Variants in NSMCE2 observed in about 807,000 individuals in gnomAD.
NSMCE2 encodes E3 SUMO-protein ligase NSE2.
NSMCE2 carries 24 observed loss-of-function variants against 23.8 expected under a neutral mutation model. The observed-to-expected ratio is 1.01, with a 90% confidence interval of 0.73 to 1.42. The LOEUF is 1.42. NSMCE2 is among the 40% of genes most tolerant of loss of function. NSMCE2 has a pLI of 0.00. For missense variants in NSMCE2, 284 were observed against 296.5 expected (o/e 0.96, Z 0.31); for synonymous variants, 92 against 94.1 (o/e 0.98, Z 0.13).
chr8:125,187,610 G>A (rs7016484), intron 5 of NSMCE2, among the ~76,000 whole-genome samples: 144 of 152,162 alleles, frequency 9.5e-4, no homozygotes, highest in African/African-American at 3.4e-3. Flanking sequence ...TCTTTCTGGC[G>A]TCTTTTATTC....
chr8:125,196,072 G>C (rs1823600792), intron 5 of NSMCE2, among the ~76,000 whole-genome samples: 1 of 151,126 alleles, frequency 6.6e-6, no homozygotes, highest in East Asian at 1.9e-4. Flanking sequence ...GTGGAGACTG[G>C]GTTTCACCGT....
At chr8:125,168,670 G>A (rs527940178) in intron 4 of NSMCE2, among the ~76,000 whole-genome samples, 144 of 152,314 alleles carry the variant, frequency 9.5e-4, no homozygotes, top group African/African-American at 3.3e-3. Context: ...CTTTGCCCTC[G>A]TGCTCTAATC....
At chr8:125,298,822 G>T (rs1436567428) in intron 5 of NSMCE2, among the ~76,000 whole-genome samples, 1 of 151,728 alleles carries the variant, frequency 6.6e-6, no homozygotes, top group Non-Finnish European at 1.5e-5. Context: ...CAGGGTGATG[G>T]GTGACTTTTT....
intron 4 of NSMCE2, among the ~76,000 whole-genome samples, chr8:125,152,182 C>G (rs1177572227): frequency 6.6e-6 from 1 of 152,084 alleles, no homozygotes; most frequent in African/African-American, 2.4e-5. Flanking sequence ...AGAATATCAC[C>G]TATATCCAAA....
intron 5 of NSMCE2, among the ~76,000 whole-genome samples, chr8:125,221,524 A>G (rs1285219978): frequency 6.6e-6 from 1 of 152,232 alleles, no homozygotes; most frequent in African/African-American, 2.4e-5. Context: ...GATTACAGGC[A>G]TGAGCCACTG....
chr8:125,098,861 A>C (rs1202973090), intron 1 of NSMCE2, among the ~76,000 whole-genome samples: 1 of 152,044 alleles, frequency 6.6e-6, no homozygotes, highest in Non-Finnish European at 1.5e-5. Context: ...TTCTGGAGTG[A>C]TCTTGCCAAT....
At position 125,211,262 on chromosome 8, in the gene NSMCE2, C is replaced by G. The variant is rs75699748; in HGVS notation, c.418+29006C>G. Among the ~76,000 whole-genome samples, 479 of 152,204 alleles carry G rather than the reference C, an allele frequency of 3.1e-3. 4 individuals carry two copies. Among genetic ancestry groups the G allele is most frequent in the African/African-American group, 0.011 (469 of 41,524 alleles). On this transcript the variant is annotated intron_variant, in intron 5 of 7. Coordinates refer to ENST00000287437, the MANE Select transcript of NSMCE2 (RefSeq NM_173685.4). ...CAAAAGACTATGGTGAAAAGTGGGC[C>G]TCTGCCTCCCTGGAAACAGTTACTC...
intron 5 of NSMCE2, among the ~76,000 whole-genome samples, chr8:125,303,265 G>A (rs1030761823): frequency 1.3e-5 from 2 of 152,154 alleles, no homozygotes; most frequent in South Asian, 2.1e-4. Context: ...GCAAGATGTT[G>A]TTCTCAACTG....
chr8:125,295,591 G>C (rs1324662650), intron 5 of NSMCE2, among the ~76,000 whole-genome samples: 1 of 152,142 alleles, frequency 6.6e-6, no homozygotes, highest in Non-Finnish European at 1.5e-5. Context: ...GGGAAGTTCT[G>C]AGAGGGACAA....
intron 3 of NSMCE2, among the ~76,000 whole-genome samples, chr8:125,103,353 C>T (rs959579661): frequency 2.0e-5 from 3 of 151,480 alleles, no homozygotes; most frequent in Middle Eastern, 3.5e-3. Flanking sequence ...GGAGTAGAAT[C>T]GTTTTTATTT....
rs1012840669 is a variant in NSMCE2, at chr8:125,264,858, T to C, written c.418+82602T>C. On this transcript the variant is annotated intron_variant, in intron 5 of 7. Transcript: ENST00000287437. ...AATGGCCTTATATCTTCTAGTACCT[T>C]GACACATGCAAATATCTCATTTAAT... is the stretch of plus-strand genomic sequence containing the variant. Among the ~76,000 whole-genome samples, 3 of 152,198 alleles carry C rather than the reference T, an allele frequency of 2.0e-5. No individual in the cohort carries two copies. The East Asian group carries it at 5.8e-4, about 29-fold the overall frequency.
At chr8:125,119,960 G>A (rs1159633833) in intron 3 of NSMCE2, among the ~76,000 whole-genome samples, 1 of 152,068 alleles carries the variant, frequency 6.6e-6, no homozygotes, top group Non-Finnish European at 1.5e-5. Flanking sequence ...TTAGCCACAT[G>A]TGTAATTTAA....
intron 5 of NSMCE2, among the ~76,000 whole-genome samples, chr8:125,340,139 C>T (rs1347115448): frequency 1.3e-5 from 2 of 151,128 alleles, no homozygotes; most frequent in Non-Finnish European, 3.0e-5. Flanking sequence ...CTCAGCCTCC[C>T]GAGTAGCTGG....
At chr8:125,130,201 T>A (rs918457988) in intron 3 of NSMCE2, 38 of 455,574 alleles carry the variant, frequency 8.3e-5, no homozygotes, top group African/African-American at 7.6e-4. Context: ...TATGATTAGA[T>A]TTGCGTTACA....
intron 5 of NSMCE2, among the ~76,000 whole-genome samples, chr8:125,219,874 C>T (rs1399696852): frequency 6.6e-6 from 1 of 152,208 alleles, no homozygotes; most frequent in African/African-American, 2.4e-5. Context: ...TCTGACATTA[C>T]TGGACAAGAT....
chr8:125,348,517 C>A (rs1812878518), intron 5 of NSMCE2: 1 of 152,092 alleles, frequency 6.6e-6, no homozygotes, highest in Admixed American at 6.6e-5. Flanking sequence ...GTGTCCCCAC[C>A]CAAATCTCAT....
intron 5 of NSMCE2, among the ~76,000 whole-genome samples, chr8:125,250,257 C>T (rs1826150188): frequency 6.6e-6 from 1 of 151,970 alleles, no homozygotes; most frequent in Admixed American, 6.6e-5. Flanking sequence ...CCCAAAGCCA[C>T]CACGCCCAGC....
intron 5 of NSMCE2, among the ~76,000 whole-genome samples, chr8:125,307,291 G>A (rs10481079): frequency 0.033 from 4,955 of 152,316 alleles, 253 homozygotes; most frequent in African/African-American, 0.11. Context: ...GGAGCAGTCT[G>A]GGAAGATAGC....
chr8:125,173,517 A>G (rs1822325328), intron 4 of NSMCE2, among the ~76,000 whole-genome samples: 1 of 152,242 alleles, frequency 6.6e-6, no homozygotes, highest in Non-Finnish European at 1.5e-5. Flanking sequence ...ATGATCTTCT[A>G]GATGATAGGG....
Sources: gnomAD v4.1 joint callset for allele counts (sites outside exome capture counted in the v4.1 genomes callset) on GRCh38, gnomAD v4.1.1 for gene constraint, MANE v1.5 for transcripts, NCBI Gene and HGNC (gene_info 2026-07-23, HGNC 2026-07-21) for gene names.